Variants in DNAJB14 observed in about 807,000 individuals in gnomAD.
The protein encoded by DNAJB14 is dnaJ homolog subfamily B member 14.
In DNAJB14, 22 loss-of-function variants were observed where a neutral mutation model predicts 48.4. That is an observed-to-expected ratio of 0.45 (90% CI 0.32 to 0.65). DNAJB14 has a LOEUF of 0.65. Ranked by LOEUF, DNAJB14 falls within the 30% of genes least tolerant of loss-of-function variation. DNAJB14 has a pLI of 0.03. For missense variants in DNAJB14, 319 were observed against 458.8 expected (o/e 0.70, Z 2.78); for synonymous variants, 142 against 158.7 (o/e 0.89, Z 0.79).
At chr4:99,922,607 G>C (rs958439072) in intron 3 of DNAJB14, 1 of 152,164 alleles carries the variant, frequency 6.6e-6, no homozygotes, top group Non-Finnish European at 1.5e-5. Context: ...ACTGGGCAAA[G>C]TTTAATAGAA....
intron 2 of DNAJB14, chr4:99,923,901 T>A (rs762259276): frequency 2.0e-6 from 2 of 984,344 alleles, no homozygotes; most frequent in Non-Finnish European, 2.4e-6. Context: ...CATCTCATGA[T>A]AAAATATAAC....
At chr4:99,939,352 A>G (rs1003390725) in intron 1 of DNAJB14, among the ~76,000 whole-genome samples, 1 of 152,304 alleles carries the variant, frequency 6.6e-6, no homozygotes, top group African/African-American at 2.4e-5. Flanking sequence ...ACAGAGCGAG[A>G]CTCCATCTCA....
At chr4:99,928,537 A>T (rs1257238113) in intron 2 of DNAJB14, 1 of 440,760 alleles carries the variant, frequency 2.3e-6, no homozygotes, top group Non-Finnish European at 4.6e-6. Flanking sequence ...ATATATAATC[A>T]ATACCAGAAC....
At chr4:99,906,027 C>A (rs1481181431) in intron 5 of DNAJB14, 4 of 1,310,452 alleles carry the variant, frequency 3.1e-6, no homozygotes, top group Middle Eastern at 2.1e-4. Context: ...GGCTGTAAAA[C>A]CATTTTTTAC....
intron 1 of DNAJB14, among the ~76,000 whole-genome samples, chr4:99,932,501 A>C (rs1726512836): frequency 6.6e-6 from 1 of 152,216 alleles, no homozygotes; most frequent in Non-Finnish European, 1.5e-5. Flanking sequence ...GATGAACAAT[A>C]GCAAATGTTG....
intron 1 of DNAJB14, among the ~76,000 whole-genome samples, chr4:99,940,045 T>C (rs1377859236): frequency 6.6e-6 from 1 of 152,200 alleles, no homozygotes; most frequent in Non-Finnish European, 1.5e-5. Flanking sequence ...GCATGTAATT[T>C]AGTATATTCC....
At chr4:99,939,474 C>A (rs953562564) in intron 1 of DNAJB14, among the ~76,000 whole-genome samples, 3 of 152,242 alleles carry the variant, frequency 2.0e-5, no homozygotes, top group Non-Finnish European at 4.4e-5. Context: ...ATTTTTAGCA[C>A]AAACATGTTC....
chr4:99,926,804 C>T (rs1314764010), intron 2 of DNAJB14: 3 of 151,960 alleles, frequency 2.0e-5, no homozygotes, highest in Non-Finnish European at 4.4e-5. Flanking sequence ...CTGTATCCAG[C>T]TCCACCATAT....
In DNAJB14 at chr4:99,923,099, A is replaced by G; in HGVS notation, c.392T>C (p.Leu131Pro). 6.2e-7 allele frequency: 1 copy of G among 1,612,454 alleles called. No homozygotes were observed. Among genetic ancestry groups the G allele is most frequent in the Non-Finnish European group, 8.5e-7 (1 of 1,179,352 alleles). ...DEDLKKAYRK[L>P]ALKFHPDKNH... ...TTTGTCTGGATGAAACTTCAAAGCA[A>G]GCTTTCTATAAGCTTTTTTCAAATC... is the stretch of plus-strand genomic sequence containing the variant. The change falls in exon 3 of 8, where the codon CTT becomes CCT. Residue 131 changes from leucine (L) to proline (P), a missense_variant. Physicochemically the swap from Leu to Pro is moderately conservative, Grantham distance 98. Coordinates refer to ENST00000442697, the MANE Select transcript of DNAJB14 (RefSeq NM_001031723.4).
intron 1 of DNAJB14, among the ~76,000 whole-genome samples, chr4:99,933,934 T>C (rs934338596): frequency 1.1e-4 from 16 of 152,112 alleles, no homozygotes; most frequent in African/African-American, 3.9e-4. Flanking sequence ...ACTCTCTATA[T>C]AGCACAACAG....
intron 3 of DNAJB14, among the ~76,000 whole-genome samples, chr4:99,918,895 G>C (rs1271897190): frequency 1.3e-5 from 2 of 152,164 alleles, no homozygotes; most frequent in African/African-American, 4.8e-5. Context: ...AAGTCCACAT[G>C]ATCTCCACTG....
At chr4:99,942,162 A>G (rs181865306) in intron 1 of DNAJB14, 38 of 152,210 alleles carry the variant, frequency 2.5e-4, no homozygotes, top group African/African-American at 9.1e-4. Flanking sequence ...TTAAATTGCT[A>G]TTGTGCAGAT....
rs1432059543 is a variant in DNAJB14 at position 99,898,708 on chromosome 4, T to C, written c.*2320A>G. 1 of 151,934 alleles carries C rather than the reference T, an allele frequency of 6.6e-6. No homozygotes were observed. The highest frequency in any genetic ancestry group is 1.5e-5 in the Non-Finnish European group (1 of 67,812). The allele number at this position is 151,934 out of a possible 1,614,324, so 9.4% of individuals were successfully genotyped here. ...TATTCAAAGATTGAGGACTTTTAGG[T>C]GGTCATTAGAATGAGCCGATGAAAT... On this transcript the variant is annotated 3_prime_UTR_variant, in exon 8 of 8. Coordinates refer to ENST00000442697, the MANE Select transcript of DNAJB14 (RefSeq NM_001031723.4).
intron 3 of DNAJB14, among the ~76,000 whole-genome samples, chr4:99,909,412 G>A (rs1055578399): frequency 6.6e-6 from 1 of 151,682 alleles, no homozygotes; most frequent in Non-Finnish European, 1.5e-5. Flanking sequence ...ATCTTTTTTT[G>A]CACCCTGGAG....
At chr4:99,922,552 AG>A (rs1393282904) in intron 3 of DNAJB14, 27 of 137,834 alleles carry the variant, frequency 2.0e-4, no homozygotes, top group African/African-American at 7.6e-4. Context: ...ATTTTTAAAA[AG>A]AAAAAAATAA....
At chr4:99,914,177 C>T (rs1277513613) in intron 3 of DNAJB14, among the ~76,000 whole-genome samples, 1 of 152,164 alleles carries the variant, frequency 6.6e-6, no homozygotes, top group Non-Finnish European at 1.5e-5. Context: ...AACACAAACA[C>T]TTCCCACTAG....
At position 99,904,001 on chromosome 4, in the gene DNAJB14, A is replaced by G. The variant is rs1578211745; in HGVS notation, c.843-103T>C. On this transcript the variant is annotated intron_variant, in intron 6 of 7. Transcript: ENST00000442697. ...AATTAAAAATCATTGAAAAGTTAAT[A>G]TTGGTAATACAGGTTGAGCATCCCT... 1.6e-5 allele frequency: 20 copies of G among 1,223,852 alleles called. No individual in the cohort carries two copies. The East Asian group carries it at 5.0e-4, about 31-fold the overall frequency. The allele number at this position is 1,223,852 out of a possible 1,614,324, so 75.8% of individuals were successfully genotyped here. A position where few individuals can be genotyped will look rare whatever the true frequency, so the allele number is the denominator to read the frequency against.
At chr4:99,938,327 G>C (rs1050057455) in intron 1 of DNAJB14, among the ~76,000 whole-genome samples, 9 of 145,022 alleles carry the variant, frequency 6.2e-5, no homozygotes, top group African/African-American at 2.0e-4. Flanking sequence ...ACATAAATGC[G>C]ACATGTGGAC....
chr4:99,924,024 TA>T (rs1290378580), intron 2 of DNAJB14: 1 of 297,420 alleles, frequency 3.4e-6, no homozygotes, highest in African/African-American at 2.3e-5. Flanking sequence ...CTGAAATCTT[TA>T]AAGTATATTA....
Sources: gnomAD v4.1 joint callset for allele counts (sites outside exome capture counted in the v4.1 genomes callset) on GRCh38, gnomAD v4.1.1 for gene constraint, MANE v1.5 for transcripts, NCBI Gene and HGNC (gene_info 2026-07-23, HGNC 2026-07-21) for gene names.